The following PTPRG variants were observed in gnomAD, a reference collection of about 807,000 sequenced individuals.
The protein encoded by PTPRG is protein tyrosine phosphatase receptor type G, also known as receptor-type tyrosine-protein phosphatase gamma.
A neutral mutation model predicts 165.3 loss-of-function variants in PTPRG; 102 were observed. The observed-to-expected ratio is 0.62, with a 90% CI of 0.53 to 0.73. The LOEUF is 0.73. Among genes scored for constraint, PTPRG ranks in the 30% least tolerant of loss-of-function variants. The pLI, the probability that PTPRG is intolerant of heterozygous loss-of-function variation, is 0.00. For missense variants in PTPRG, 1,866 were observed against 1,861.4 expected, an observed-to-expected ratio of 1.00 and a Z score of -0.05; for synonymous variants, 675 against 669.5, an observed-to-expected ratio of 1.01 and a Z score of -0.13.
chr3:62,081,329 A>G (rs1701573209), intron 5 of PTPRG, among the ~76,000 whole-genome samples: 1 of 152,186 alleles, frequency 6.6e-6, no homozygotes, highest in South Asian at 2.1e-4. Flanking sequence ...AGCTGTATTA[A>G]GCTGCTTCCT....
At chr3:62,063,565 G>A (rs575697448) in intron 4 of PTPRG, among the ~76,000 whole-genome samples, 1 of 152,278 alleles carries the variant, frequency 6.6e-6, no homozygotes, top group Admixed American at 6.5e-5. Flanking sequence ...CTAGGTAGGT[G>A]GGAAATTATT....
chr3:61,692,492 G>C (rs901608044), intron 1 of PTPRG, among the ~76,000 whole-genome samples: 1 of 152,164 alleles, frequency 6.6e-6, no homozygotes, highest in Non-Finnish European at 1.5e-5. Context: ...TCCGTGTGAA[G>C]AGACCACCAA....
chr3:62,149,891 C>G (rs1241044539), intron 6 of PTPRG, among the ~76,000 whole-genome samples: 2 of 152,168 alleles, frequency 1.3e-5, no homozygotes, highest in Non-Finnish European at 2.9e-5. Context: ...AAGTTTTGGA[C>G]AGTTGATCTT....
intron 1 of PTPRG, among the ~76,000 whole-genome samples, chr3:61,729,462 CA>C (rs1334296113): frequency 1.3e-5 from 2 of 152,148 alleles, no homozygotes; most frequent in African/African-American, 2.4e-5. Context: ...GGTTACTCAA[CA>C]ATAAAGGTAA....
intron 5 of PTPRG, among the ~76,000 whole-genome samples, chr3:62,092,763 T>C (rs1247838641): frequency 6.6e-6 from 1 of 152,198 alleles, no homozygotes; most frequent in Non-Finnish European, 1.5e-5. Context: ...GTGACTGGTA[T>C]GTAGTAAGTC....
chr3:61,575,780 C>T (rs1207693963), intron 1 of PTPRG, among the ~76,000 whole-genome samples: 1 of 151,802 alleles, frequency 6.6e-6, no homozygotes, highest in East Asian at 1.9e-4. Context: ...TTATATTTTA[C>T]ATAGAGATGA....
At chr3:62,263,442 A>G (rs1169318329) in intron 17 of PTPRG, 1 of 153,000 alleles carries the variant, frequency 6.5e-6, no homozygotes, top group Non-Finnish European at 1.5e-5. Context: ...CATTCTTCAT[A>G]CAGAGCCTCA....
chr3:61,727,327 T>C (rs1417701652), intron 1 of PTPRG, among the ~76,000 whole-genome samples: 1 of 152,080 alleles, frequency 6.6e-6, no homozygotes, highest in Admixed American at 6.6e-5. Flanking sequence ...CTAATTTTTT[T>C]GTATTTTTGG....
At chr3:61,815,981 TTAC>T (rs1344662044) in intron 2 of PTPRG, among the ~76,000 whole-genome samples, 6 of 152,220 alleles carry the variant, frequency 3.9e-5, no homozygotes, top group East Asian at 3.9e-4. Context: ...CTTGAAAATA[TTAC>T]TACAAGTGAA....
intron 8 of PTPRG, among the ~76,000 whole-genome samples, chr3:62,188,349 TG>T (rs1699717734): frequency 6.6e-6 from 1 of 152,214 alleles, no homozygotes; most frequent in African/African-American, 2.4e-5. Context: ...CACTCCAGCC[TG>T]GGTGACAGAG....
chr3:62,190,090 C>T lies in PTPRG; in HGVS notation c.1034-1379C>T, dbSNP rs1699770746. 6.6e-6 allele frequency among the ~76,000 whole-genome samples: 1 copy of T among 152,178 alleles called. No individual in the cohort carries two copies. The highest frequency in any genetic ancestry group is 2.1e-4 in the South Asian group (1 of 4,830). On this transcript the variant is annotated intron_variant, in intron 8 of 29. Coordinates refer to ENST00000474889, the MANE Select transcript of PTPRG (RefSeq NM_002841.4). This position sits in a 1 kb window ranked among gnomAD's most constrained non-coding sequence, Gnocchi z 5.2. ...ATCCTGTCCTGGCGTGCAGTGATGG[C>T]TCTGCGCATGGGATTCTTTGGTGAG...
intron 7 of PTPRG, among the ~76,000 whole-genome samples, chr3:62,160,548 CAG>C (rs973277112): frequency 2.0e-5 from 3 of 152,246 alleles, no homozygotes; most frequent in African/African-American, 7.2e-5. Context: ...TGTGGGATGT[CAG>C]AGGAGCCGGA....
At chr3:61,600,154 T>C (rs1421305952) in intron 1 of PTPRG, among the ~76,000 whole-genome samples, 2 of 105,876 alleles carry the variant, frequency 1.9e-5, no homozygotes, top group African/African-American at 4.0e-5. Context: ...AGTGAGACAT[T>C]GTCTCAAAAA....
chr3:61,870,976 G>A (rs2037554725), intron 2 of PTPRG, among the ~76,000 whole-genome samples: 1 of 152,052 alleles, frequency 6.6e-6, no homozygotes. Flanking sequence ...AGGGGTTTCA[G>A]GAAAAACTGA....
At chr3:61,691,148 C>T (rs562868414) in intron 1 of PTPRG, among the ~76,000 whole-genome samples, 1 of 152,268 alleles carries the variant, frequency 6.6e-6, no homozygotes, top group East Asian at 1.9e-4. Context: ...CACAGTGCCT[C>T]ATGCCTTTAG....
intron 9 of PTPRG, among the ~76,000 whole-genome samples, chr3:62,193,594 C>T (rs1699890745): frequency 2.0e-5 from 3 of 152,186 alleles, no homozygotes; most frequent in Admixed American, 2.0e-4. Context: ...AGAGGGCATC[C>T]ACCTTCCGCA....
chr3:61,616,586 G>T (rs1285762611), intron 1 of PTPRG, among the ~76,000 whole-genome samples: 1 of 152,104 alleles, frequency 6.6e-6, no homozygotes, highest in Non-Finnish European at 1.5e-5. Flanking sequence ...TCCACGCCAA[G>T]CCCTTCTCCC....
intron 2 of PTPRG, among the ~76,000 whole-genome samples, chr3:61,934,681 G>A (rs1046106185): frequency 6.6e-6 from 1 of 152,076 alleles, no homozygotes; most frequent in Non-Finnish European, 1.5e-5. Context: ...TTAAGAGTGT[G>A]TGCTGCTCCC....
intron 1 of PTPRG, among the ~76,000 whole-genome samples, chr3:61,684,069 G>C (rs1195075632): frequency 6.6e-6 from 1 of 152,218 alleles, no homozygotes; most frequent in Non-Finnish European, 1.5e-5. Context: ...AAACAGCTAT[G>C]AGGGAGTCAT....
Sources: allele counts gnomAD v4.1 joint callset (sites outside exome capture counted in the v4.1 genomes callset), GRCh38; gene constraint gnomAD v4.1.1; non-coding constraint Gnocchi (gnomAD v3.1); transcripts MANE v1.5; gene names NCBI Gene and HGNC (gene_info 2026-07-23, HGNC 2026-07-21).